Variants in ANGPT2 observed in about 807,000 individuals in gnomAD.
ANGPT2 encodes angiopoietin 2, also known as angiopoietin-2.
ANGPT2 carries 28 observed loss-of-function variants against 62.9 expected under a neutral mutation model. The ratio of observed to expected loss-of-function variants is 0.44; its 90% confidence interval spans 0.33 to 0.61. The LOEUF is 0.61. ANGPT2 is among the 20% of genes least tolerant of loss of function. ANGPT2 has a pLI of 0.03. For synonymous variants in ANGPT2, 284 were observed against 207.8 expected, an observed-to-expected ratio of 1.37 and a Z score of -3.15; for missense variants, 727 against 594.9, an observed-to-expected ratio of 1.22 and a Z score of -2.31.
At chr8:6,528,455 G>A (rs1344966175) in intron 2 of ANGPT2, among the ~76,000 whole-genome samples, 1 of 152,146 alleles carries the variant, frequency 6.6e-6, no homozygotes, top group Non-Finnish European at 1.5e-5. Flanking sequence ...ATAATTTTTA[G>A]CCTGGGATTT....
At chr8:6,543,239 G>A (rs1037873703) in intron 1 of ANGPT2, among the ~76,000 whole-genome samples, 1 of 152,102 alleles carries the variant, frequency 6.6e-6, no homozygotes, top group Admixed American at 6.5e-5. Flanking sequence ...TAATTTACAC[G>A]AAGACTCAGC....
At chr8:6,561,651 G>T (rs754305625) in intron 1 of ANGPT2, among the ~76,000 whole-genome samples, 10 of 152,166 alleles carry the variant, frequency 6.6e-5, no homozygotes, top group Admixed American at 5.9e-4. Context: ...TGATGTAATG[G>T]CATCATCATG....
In ANGPT2 at chr8:6,507,056, C is replaced by G. The variant is rs190062388; in HGVS notation, c.1327+1876G>C. 2.1e-3 allele frequency among the ~76,000 whole-genome samples: 313 copies of G among 152,144 alleles called. 1 individual carries two copies. Among genetic ancestry groups the G allele is most frequent in the African/African-American group, 7.2e-3 (299 of 41,504 alleles). ...GGGATTACAGGCGTATGCCACCACG[C>G]CTGGCTAATTTTTGTATTTTTAGTA... is the stretch of plus-strand genomic sequence containing the variant. On this transcript the variant is annotated intron_variant, in intron 8 of 8. Coordinates refer to ENST00000629816, the MANE Select transcript of ANGPT2 (RefSeq NM_001118887.2).
chr8:6,557,089 C>T (rs920378955), intron 1 of ANGPT2, among the ~76,000 whole-genome samples: 3 of 152,174 alleles, frequency 2.0e-5, no homozygotes, highest in Non-Finnish European at 2.9e-5. Flanking sequence ...TGAGAAATAA[C>T]GCACTTCTGC....
At chr8:6,506,778 CTTT>C (rs552063597) in intron 8 of ANGPT2, among the ~76,000 whole-genome samples, 7 of 128,040 alleles carry the variant, frequency 5.5e-5, no homozygotes, top group Admixed American at 1.6e-4. Context: ...CAGAGGATTG[CTTT>C]TTTTTTTTTT....
intron 1 of ANGPT2, among the ~76,000 whole-genome samples, chr8:6,539,643 G>A (rs1821168607): frequency 1.3e-5 from 2 of 152,160 alleles, no homozygotes; most frequent in Non-Finnish European, 2.9e-5. Flanking sequence ...CTGGAGTGCA[G>A]CGGCGTGATC....
intron 3 of ANGPT2, among the ~76,000 whole-genome samples, chr8:6,527,067 C>G (rs970652705): frequency 1.3e-5 from 2 of 152,196 alleles, no homozygotes; most frequent in Non-Finnish European, 2.9e-5. Context: ...TTGAGTGAAG[C>G]TAAGTCCCCA....
At chr8:6,535,980 C>T (rs1296891957) in intron 1 of ANGPT2, among the ~76,000 whole-genome samples, 1 of 151,996 alleles carries the variant, frequency 6.6e-6, no homozygotes, top group African/African-American at 2.4e-5. Flanking sequence ...CTGCTTGAGC[C>T]CAGGAGAGCA....
At position 6,532,328 on chromosome 8, in the gene ANGPT2, T is replaced by C. The variant is rs767497416; in HGVS notation, c.444+4A>G. On this transcript the variant is annotated splice_donor_region_variant and intron_variant, in intron 2 of 8. Coordinates refer to ENST00000629816, the MANE Select transcript of ANGPT2 (RefSeq NM_001118887.2). The stretch of plus-strand genomic sequence containing the variant: ...CACCGTGTGCTTTATGTGGCATTAC[T>C]TACTTGGGCTTCCACATCAGTTAAC... The C allele has an allele frequency of 1.2e-6, 2 of 1,614,180 alleles. No homozygotes were observed. The highest frequency in any genetic ancestry group is 1.7e-6 in the Non-Finnish European group (2 of 1,180,030).
intron 1 of ANGPT2, among the ~76,000 whole-genome samples, chr8:6,536,073 T>A (rs531718781): frequency 6.6e-6 from 1 of 152,004 alleles, no homozygotes; most frequent in East Asian, 1.9e-4. Context: ...AGAAAAAAAT[T>A]AAAATTAAAA....
chr8:6,531,320 A>C (rs1360797444), intron 2 of ANGPT2, among the ~76,000 whole-genome samples: 1 of 137,958 alleles, frequency 7.2e-6, no homozygotes, highest in African/African-American at 2.7e-5. Flanking sequence ...TTGAAGTCTC[A>C]CTCTGTTGCC....
Position 6,562,652 on chromosome 8 carries a change from T to G in ANGPT2, c.283A>C (p.Met95Leu). ...NIMENNTQWL[M>L]KLENYIQDNM... The stretch of plus-strand genomic sequence containing the variant: ...CAGATGGATTTTTTTCCTACCTTCA[T>G]TAGCCACTGAGTGTTGTTTTCCATG... The change falls in exon 1 of 9, where the codon ATG becomes CTG. Residue 95 changes from methionine (M) to leucine (L), a missense_variant. Transcript: ENST00000629816. 6.4e-7 allele frequency: 1 copy of G among 1,571,304 alleles called. No individual in the cohort carries two copies. The highest frequency in any genetic ancestry group is 8.7e-7 in the Non-Finnish European group (1 of 1,149,314).
rs1330576842 is a variant in ANGPT2 at position 6,503,626 on chromosome 8, T to G, written c.1328-365A>C. On this transcript the variant is annotated intron_variant, in intron 8 of 8. Transcript: ENST00000629816. The stretch of plus-strand genomic sequence containing the variant: ...AAAACTCTCCTTCAACCAGGATTAC[T>G]TTGCAGTCCCAGCAACATGGTGGGC... Among the ~76,000 whole-genome samples the G allele has an allele frequency of 3.9e-5, 6 of 152,186 alleles. No homozygotes were observed. The East Asian group carries it at 1.2e-3, about 29-fold the overall frequency.
At chr8:6,529,453 CT>C (rs200029751) in intron 2 of ANGPT2, among the ~76,000 whole-genome samples, 18,916 of 135,852 alleles carry the variant, frequency 0.14, 1,302 homozygotes, top group African/African-American at 0.26. Context: ...AGCCATTTTT[CT>C]TTTTTTTTTT....
intron 8 of ANGPT2, among the ~76,000 whole-genome samples, chr8:6,505,308 T>TG (rs1813211944): frequency 4.5e-5 from 2 of 44,798 alleles, no homozygotes; most frequent in South Asian, 6.6e-4. Context: ...TATATGTATA[T>TG]AACATATATA....
Position 6,501,803 on chromosome 8 carries a change from C to T in ANGPT2, c.*1298G>A, listed in dbSNP as rs1812249673. 6.6e-6 allele frequency: 1 copy of T among 152,048 alleles called. No individual in the cohort carries two copies. The highest frequency in any genetic ancestry group is 2.4e-5 in the African/African-American group (1 of 41,386). 9.4% of individuals were successfully genotyped at this position (152,048 alleles called of 1,614,324 possible). A position where few individuals can be genotyped will look rare whatever the true frequency, so the allele number is the denominator to read the frequency against. Reference sequence around the variant, plus strand: ...AACTCCTGACCTCAGGTGATCTGCCCACCTTGCCTACCAATGTACTGGGAT... The same window carrying T: ...AACTCCTGACCTCAGGTGATCTGCCTACCTTGCCTACCAATGTACTGGGAT... On this transcript the variant is annotated 3_prime_UTR_variant, in exon 9 of 9. Transcript: ENST00000629816.
At chr8:6,520,843 C>G (rs1303671026) in intron 4 of ANGPT2, among the ~76,000 whole-genome samples, 2 of 152,176 alleles carry the variant, frequency 1.3e-5, no homozygotes, top group African/African-American at 2.4e-5. Flanking sequence ...TCCCATGGGT[C>G]TGATATTATT....
chr8:6,531,119 C>T (rs2515477), intron 2 of ANGPT2, among the ~76,000 whole-genome samples: 28,213 of 151,818 alleles, frequency 0.19, 3,295 homozygotes, highest in African/African-American at 0.33. Flanking sequence ...CGACCACGGC[C>T]TTGAGCTTGG....
chr8:6,510,401 C>G (rs1189755864), intron 7 of ANGPT2, among the ~76,000 whole-genome samples: 2 of 152,176 alleles, frequency 1.3e-5, no homozygotes, highest in Admixed American at 1.3e-4. Flanking sequence ...TGATGCCCTT[C>G]TTTGTAAAAC....
Sources: allele counts gnomAD v4.1 joint callset (sites outside exome capture counted in the v4.1 genomes callset), GRCh38; gene constraint gnomAD v4.1.1; transcripts MANE v1.5; gene names NCBI Gene and HGNC (gene_info 2026-07-23, HGNC 2026-07-21).